Variants in DENND4A observed in about 807,000 individuals in gnomAD.
DENND4A encodes DENN domain containing 4A, also known as C-myc promoter-binding protein.
DENND4A carries 70 observed loss-of-function variants against 199.3 expected under a neutral mutation model. The observed-to-expected ratio is 0.35, with a 90% CI of 0.29 to 0.43. The LOEUF (loss-of-function observed/expected upper bound fraction) is 0.43, where lower values mean the gene tolerates loss of function less well. Among genes scored for constraint, DENND4A ranks in the 20% least tolerant of loss-of-function variants. The pLI, the probability that DENND4A is intolerant of heterozygous loss-of-function variation, is 1.00. For synonymous variants in DENND4A, 686 were observed against 766.9 expected (o/e 0.89, Z 1.74); for missense variants, 1,723 against 2,255.8 (o/e 0.76, Z 4.78).
intron 15 of DENND4A, among the ~76,000 whole-genome samples, chr15:65,705,133 A>G (rs2075007002): frequency 6.6e-6 from 1 of 152,216 alleles, no homozygotes; most frequent in Non-Finnish European, 1.5e-5. Flanking sequence ...AAACATCATC[A>G]TCACTGGATG....
rs2077175424 is a variant in DENND4A at position 65,697,184 on chromosome 15, A to G, written c.2950+83T>C. 8 of 874,234 alleles carry G rather than the reference A, an allele frequency of 9.2e-6. No homozygotes were observed. In the South Asian group the frequency reaches 1.4e-4, roughly 15 times the overall value. The allele number at this position is 874,234 out of a possible 1,614,324, so 54.2% of individuals were successfully genotyped here. A position where few individuals can be genotyped will look rare whatever the true frequency, so the allele number is the denominator to read the frequency against. On this transcript the variant is annotated intron_variant, in intron 21 of 32. Coordinates refer to ENST00000443035, the MANE Select transcript of DENND4A (RefSeq NM_001320835.1). ...TTATAATGGAAAAATGGAAAGTAAA[A>G]CCAGCACTTTTATAAAATCACCTGC...
intron 24 of DENND4A, among the ~76,000 whole-genome samples, chr15:65,672,598 T>C (rs2141899091): frequency 6.6e-6 from 1 of 150,836 alleles, no homozygotes; most frequent in East Asian, 1.9e-4. Context: ...GGCAGCAGAA[T>C]GAGATCCTGA....
chr15:65,691,958 C>CT lies in DENND4A; in HGVS notation c.3083-448dup, dbSNP rs767840868. ...GATGACCTTGAGATTCTGAGTCTTC[C>CT]TTTTTTTTTTTTTTTTTTTAATTTG... On this transcript the variant is annotated intron_variant, in intron 22 of 32. Transcript: ENST00000443035. 6.3e-3 allele frequency among the ~76,000 whole-genome samples: 841 copies of CT among 134,064 alleles called. 7 individuals carry two copies. The highest frequency in any genetic ancestry group is 9.5e-3 in the South Asian group (40 of 4,216). The allele number at this position is 134,064 out of a possible 152,430, so 88.0% of individuals were successfully genotyped here.
At chr15:65,696,221 A>AGT in intron 22 of DENND4A, 145 bp downstream of exon 22, 1 of 980,696 alleles carries the variant, frequency 1.0e-6, no homozygotes, top group Non-Finnish European at 1.4e-6. Context: ...ATAGAACTCA[A>AGT]GTTACTAAGC....
intron 1 of DENND4A, among the ~76,000 whole-genome samples, chr15:65,780,526 A>G (rs2140960996): frequency 6.6e-6 from 1 of 152,324 alleles, no homozygotes; most frequent in Admixed American, 6.5e-5. Flanking sequence ...AGAAAGACTA[A>G]TGGTCAACTT....
At chr15:65,757,563 G>A (rs2076740062) in intron 2 of DENND4A, among the ~76,000 whole-genome samples, 1 of 152,136 alleles carries the variant, frequency 6.6e-6, no homozygotes, top group Non-Finnish European at 1.5e-5. Context: ...GTTGTAGGGA[G>A]GGTAGCGGGG....
intron 4 of DENND4A, among the ~76,000 whole-genome samples, chr15:65,751,941 T>C (rs1430995305): frequency 6.6e-6 from 1 of 152,044 alleles, no homozygotes; most frequent in African/African-American, 2.4e-5. Flanking sequence ...TCAAGAAGTT[T>C]TGCAAAGATA....
chr15:65,682,675 G>A (rs756910190), intron 23 of DENND4A, among the ~76,000 whole-genome samples: 3 of 152,006 alleles, frequency 2.0e-5, no homozygotes, highest in African/African-American at 4.8e-5. Flanking sequence ...CCTCACTTTC[G>A]GCCTTTCTTG....
intron 14 of DENND4A, among the ~76,000 whole-genome samples, chr15:65,709,471 C>T (rs1413477136): frequency 4.0e-5 from 6 of 151,814 alleles, no homozygotes; most frequent in African/African-American, 7.2e-5. Context: ...TTTGGGAGGT[C>T]GAGATGGGCG....
At chr15:65,723,311 A>G (rs914790712) in intron 11 of DENND4A, among the ~76,000 whole-genome samples, 6 of 152,170 alleles carry the variant, frequency 3.9e-5, no homozygotes, top group Non-Finnish European at 7.4e-5. Context: ...AAATCCTACC[A>G]TAAGTTTTTT....
chr15:65,696,548 T>C, intron 21 of DENND4A, 51 bp from the exon 22 acceptor site: 1 of 1,397,636 alleles, frequency 7.2e-7, no homozygotes, highest in East Asian at 2.4e-5. Context: ...ATATACACTG[T>C]AGGAGGTATC....
chr15:65,669,337 T>C (rs1331749002), intron 27 of DENND4A, among the ~76,000 whole-genome samples: 1 of 152,160 alleles, frequency 6.6e-6, no homozygotes, highest in Non-Finnish European at 1.5e-5. Flanking sequence ...GCTTACTATA[T>C]AAATTTTAGT....
intron 27 of DENND4A, among the ~76,000 whole-genome samples, chr15:65,669,033 G>C (rs2141871152): frequency 6.6e-6 from 1 of 152,238 alleles, no homozygotes; most frequent in East Asian, 1.9e-4. Context: ...AGACCATGGG[G>C]ATAGAAAGCA....
chr15:65,692,010 C>T (rs2076989354), intron 22 of DENND4A, among the ~76,000 whole-genome samples: 1 of 145,342 alleles, frequency 6.9e-6, no homozygotes, highest in Non-Finnish European at 1.5e-5. Flanking sequence ...ACTATGTTGC[C>T]CAAGTTGGTC....
At chr15:65,745,937 C>T (rs1453433744) in intron 4 of DENND4A, among the ~76,000 whole-genome samples, 1 of 151,504 alleles carries the variant, frequency 6.6e-6, no homozygotes, top group Non-Finnish European at 1.5e-5. Flanking sequence ...AGTTTGAGAC[C>T]GGCCTGGCCA....
intron 1 of DENND4A, among the ~76,000 whole-genome samples, chr15:65,778,639 C>G (rs1464924157): frequency 1.3e-5 from 2 of 152,250 alleles, no homozygotes; most frequent in East Asian, 3.9e-4. Flanking sequence ...TGGCTCATGC[C>G]TGTAATCCCA....
chr15:65,692,318 T>C (rs1429409023), intron 22 of DENND4A, among the ~76,000 whole-genome samples: 3 of 152,286 alleles, frequency 2.0e-5, no homozygotes, highest in East Asian at 1.9e-4. Flanking sequence ...TTCACATTAT[T>C]TGGAAATACT....
intron 23 of DENND4A, among the ~76,000 whole-genome samples, chr15:65,690,054 A>G (rs2076919639): frequency 6.6e-6 from 1 of 152,198 alleles, no homozygotes; most frequent in African/African-American, 2.4e-5. Flanking sequence ...TCCTAACCAG[A>G]AGGGCAAATC....
In DENND4A at chr15:65,690,559, G is replaced by C; in HGVS notation, c.4035C>G (p.His1345Gln). 1.2e-6 allele frequency: 2 copies of C among 1,613,672 alleles called. No individual in the cohort carries two copies. Among genetic ancestry groups the C allele is most frequent in the South Asian group, 2.2e-5 (2 of 91,072 alleles). ...TATCTAAGTTAAATGAAGGTGATGAGTGGGTTAATGTATCCTGAGATTCTT... is the reference window on the plus strand; with the variant it reads ...TATCTAAGTTAAATGAAGGTGATGACTGGGTTAATGTATCCTGAGATTCTT... ...FREESQDTLT[H>Q]SSPSFNLDTL... Residue 1345 changes from histidine to glutamine, a missense_variant, in exon 23 of 33, where the codon CAC (histidine) becomes CAG (glutamine). His to Gln is a conservative substitution (Grantham distance 24). Coordinates refer to ENST00000443035, the MANE Select transcript of DENND4A (RefSeq NM_001320835.1).
Sources: gnomAD v4.1 joint callset for allele counts (sites outside exome capture counted in the v4.1 genomes callset) on GRCh38, gnomAD v4.1.1 for gene constraint, MANE v1.5 for transcripts, NCBI Gene and HGNC (gene_info 2026-07-23, HGNC 2026-07-21) for gene names.